KCNMB2: variants seen among roughly 807,000 people sequenced by gnomAD.
The protein encoded by KCNMB2 is potassium calcium-activated channel subfamily M regulatory beta subunit 2.
Under a neutral mutation model 24.5 loss-of-function variants are expected in KCNMB2, and 9 were observed. That is an observed-to-expected ratio of 0.37 (90% CI 0.22 to 0.64). The LOEUF is 0.64. Among genes scored for constraint, KCNMB2 ranks in the 30% least tolerant of loss-of-function variants. KCNMB2 has a pLI of 0.63. For synonymous variants in KCNMB2, 109 were observed against 104.4 expected (o/e 1.04, Z -0.27); for missense variants, 226 against 284.3 (o/e 0.79, Z 1.47).
At chr3:178,580,950 AT>A (rs1158481390) in intron 1 of KCNMB2, among the ~76,000 whole-genome samples, 1 of 152,204 alleles carries the variant, frequency 6.6e-6, no homozygotes, top group Non-Finnish European at 1.5e-5. Context: ...GCCCAAAATA[AT>A]TTATAGATTC....
At chr3:178,828,059 A>G in intron 3 of KCNMB2, 119 bp from the exon 4 acceptor site, 1 of 761,940 alleles carries the variant, frequency 1.3e-6, no homozygotes, top group Non-Finnish European at 2.2e-6. Context: ...CAGATAGATC[A>G]TATTAGAGAT....
chr3:178,599,145 G>T (rs1383013576), intron 1 of KCNMB2, among the ~76,000 whole-genome samples: 1 of 152,130 alleles, frequency 6.6e-6, no homozygotes, highest in Non-Finnish European at 1.5e-5. Flanking sequence ...GTGTATTATA[G>T]CAGTGATTTT....
intron 1 of KCNMB2, among the ~76,000 whole-genome samples, chr3:178,723,903 G>A (rs917530233): frequency 2.6e-5 from 4 of 152,140 alleles, no homozygotes; most frequent in Admixed American, 6.6e-5. Context: ...TGCCTAGGTT[G>A]AATCTATGTC....
chr3:178,780,632 T>C (rs998357655), intron 1 of KCNMB2, among the ~76,000 whole-genome samples: 4 of 152,240 alleles, frequency 2.6e-5, no homozygotes, highest in African/African-American at 9.6e-5. Flanking sequence ...AATTTGATTA[T>C]TTCAGGAAAA....
chr3:178,560,941 C>T (rs1716295105), intron 1 of KCNMB2, among the ~76,000 whole-genome samples: 1 of 152,172 alleles, frequency 6.6e-6, no homozygotes, highest in Non-Finnish European at 1.5e-5. Flanking sequence ...AGGCGCAGCA[C>T]TGTTTTGCTT....
chr3:178,786,957 A>G (rs1365921813), intron 1 of KCNMB2, among the ~76,000 whole-genome samples: 3 of 152,148 alleles, frequency 2.0e-5, no homozygotes, highest in African/African-American at 4.8e-5. Context: ...AAAGTAGAAC[A>G]TAAGAAAACT....
intron 1 of KCNMB2, among the ~76,000 whole-genome samples, chr3:178,570,997 A>G (rs902067885): frequency 4.6e-5 from 7 of 152,214 alleles, no homozygotes; most frequent in African/African-American, 1.7e-4. Flanking sequence ...TTTTCCCAAG[A>G]AAGCAAGGCT....
chr3:178,837,846 T>C (rs1351487956), intron 4 of KCNMB2, among the ~76,000 whole-genome samples: 1 of 152,166 alleles, frequency 6.6e-6, no homozygotes, highest in Non-Finnish European at 1.5e-5. Context: ...GACAGAATTA[T>C]TGCCATTTGT....
chr3:178,775,583 C>T (rs1048483207), intron 1 of KCNMB2, among the ~76,000 whole-genome samples: 9 of 152,110 alleles, frequency 5.9e-5, no homozygotes, highest in Non-Finnish European at 1.3e-4. Context: ...AATCACTTAT[C>T]CTCAGATATA....
intron 1 of KCNMB2, among the ~76,000 whole-genome samples, chr3:178,649,100 T>C (rs1355882073): frequency 6.6e-6 from 1 of 152,198 alleles, no homozygotes; most frequent in Non-Finnish European, 1.5e-5. Context: ...ATGATTTAGA[T>C]GTTAGTTTCC....
intron 1 of KCNMB2, among the ~76,000 whole-genome samples, chr3:178,806,106 T>C (rs1356324698): frequency 6.6e-6 from 1 of 152,212 alleles, no homozygotes; most frequent in African/African-American, 2.4e-5. Context: ...AGCCACTGCA[T>C]TCCTGCCTGG....
chr3:178,808,770 C>T (rs890982017), intron 2 of KCNMB2, among the ~76,000 whole-genome samples: 4 of 152,084 alleles, frequency 2.6e-5, no homozygotes, highest in Admixed American at 6.6e-5. Context: ...ATGCAAACTA[C>T]GATTGCAGCC....
Position 178,759,421 on chromosome 3 carries a change from A to C in KCNMB2, c.-67-47922A>C, listed in dbSNP as rs1212041508. On this transcript the variant is annotated intron_variant, in intron 1 of 4. Transcript: ENST00000452583. ...CAAGAGGATATATATATATATATAT[A>C]TCTCTCCAAGAGGATATATATATAT... Among the ~76,000 whole-genome samples the C allele has an allele frequency of 1.9e-3, 26 of 13,772 alleles. 1 individual carries two copies. Among genetic ancestry groups the C allele is most frequent in the East Asian group, 5.5e-3 (5 of 912 alleles). The allele number at this position is 13,772 out of a possible 152,430, so 9.0% of individuals were successfully genotyped here.
intron 1 of KCNMB2, among the ~76,000 whole-genome samples, chr3:178,619,209 C>T (rs1295376674): frequency 1.3e-5 from 2 of 151,942 alleles, no homozygotes; most frequent in African/African-American, 4.8e-5. Flanking sequence ...GACTGGAGGG[C>T]CTTATATACT....
chr3:178,735,611 A>C (rs908098168), intron 1 of KCNMB2, among the ~76,000 whole-genome samples: 3 of 152,182 alleles, frequency 2.0e-5, no homozygotes, highest in Non-Finnish European at 2.9e-5. Flanking sequence ...TTACATATCT[A>C]AATCAATACA....
intron 1 of KCNMB2, among the ~76,000 whole-genome samples, chr3:178,722,705 C>G (rs1577126292): frequency 6.6e-6 from 1 of 152,112 alleles, no homozygotes; most frequent in African/African-American, 2.4e-5. Flanking sequence ...CCAGCCTGGG[C>G]AACATGGGGA....
At chr3:178,598,379 T>C (rs576706334) in intron 1 of KCNMB2, among the ~76,000 whole-genome samples, 2 of 152,086 alleles carry the variant, frequency 1.3e-5, no homozygotes, top group Admixed American at 1.3e-4. Flanking sequence ...GTGACCAGAT[T>C]TCTTAGCAAG....
At chr3:178,611,528 C>A (rs1397015331) in intron 1 of KCNMB2, among the ~76,000 whole-genome samples, 1 of 152,194 alleles carries the variant, frequency 6.6e-6, no homozygotes, top group South Asian at 2.1e-4. Flanking sequence ...CATGATGAAA[C>A]CCCGTCTCTA....
intron 1 of KCNMB2, among the ~76,000 whole-genome samples, chr3:178,731,512 C>T (rs190136047): frequency 2.0e-5 from 3 of 152,286 alleles, no homozygotes; most frequent in Admixed American, 6.5e-5. Flanking sequence ...TGAGCATCAG[C>T]GGCAATGTAT....
Sources: allele counts gnomAD v4.1 joint callset (sites outside exome capture counted in the v4.1 genomes callset), GRCh38; gene constraint gnomAD v4.1.1; transcripts MANE v1.5; gene names NCBI Gene and HGNC (gene_info 2026-07-23, HGNC 2026-07-21).